Variants in COL14A1 observed in about 807,000 individuals in gnomAD.
The protein encoded by COL14A1 is collagen type XIV alpha 1 chain, also known as collagen alpha-1(XIV) chain.
COL14A1 carries 136 observed loss-of-function variants against 230.3 expected under a neutral mutation model. The ratio of observed to expected loss-of-function variants is 0.59; its 90% CI spans 0.51 to 0.68. COL14A1 has a LOEUF of 0.68. Among genes scored for constraint, COL14A1 ranks in the 30% least tolerant of loss-of-function variants. The pLI is 0.00. For synonymous variants in COL14A1, 792 were observed against 784.1 expected (o/e 1.01, Z -0.17); for missense variants, 1,976 against 2,215.8 (o/e 0.89, Z 2.17).
chr8:120,262,374 G>A (rs901733551), intron 23 of COL14A1, among the ~76,000 whole-genome samples: 30 of 152,164 alleles, frequency 2.0e-4, no homozygotes, highest in African/African-American at 7.0e-4. Context: ...TCAGGAGGCT[G>A]AGGCAGGCGC....
At chr8:120,186,456 A>G (rs1407698538) in intron 5 of COL14A1, among the ~76,000 whole-genome samples, 1 of 152,238 alleles carries the variant, frequency 6.6e-6, no homozygotes, top group African/African-American at 2.4e-5. Flanking sequence ...ATAGAACAAA[A>G]TAATTCAAAG....
intron 44 of COL14A1, among the ~76,000 whole-genome samples, chr8:120,343,337 C>T (rs1272979404): frequency 6.6e-6 from 1 of 152,204 alleles, no homozygotes; most frequent in Non-Finnish European, 1.5e-5. Context: ...ATAGCACCCC[C>T]ACTTCCAGGG....
intron 5 of COL14A1, among the ~76,000 whole-genome samples, chr8:120,176,679 G>A (rs1003562320): frequency 1.3e-5 from 2 of 152,082 alleles, no homozygotes; most frequent in African/African-American, 4.8e-5. Flanking sequence ...GCAAGAGCCT[G>A]ACTCCACTCC....
intron 1 of COL14A1, among the ~76,000 whole-genome samples, chr8:120,132,616 A>G (rs546185686): frequency 8.6e-5 from 13 of 151,010 alleles, no homozygotes; most frequent in African/African-American, 3.2e-4. Flanking sequence ...TGATAGCAAT[A>G]ACATTGAACC....
chr8:120,234,830 A>AAG (rs1314996194), intron 19 of COL14A1, among the ~76,000 whole-genome samples: 1 of 152,200 alleles, frequency 6.6e-6, no homozygotes, highest in African/African-American at 2.4e-5. Context: ...GACCTAATAA[A>AAG]AAGACTTAAG....
In COL14A1 at chr8:120,318,939, G is replaced by A. The variant is rs554323943; in HGVS notation, c.4659+2942G>A. 9.9e-5 allele frequency among the ~76,000 whole-genome samples: 15 copies of A among 152,242 alleles called. No individual in the cohort carries two copies. The South Asian group carries it at 2.9e-3, about 29-fold the overall frequency. On this transcript the variant is annotated intron_variant, in intron 40 of 47. Transcript: ENST00000297848. ...AGCACTGAAGTCACTTAACGTTACT[G>A]TGCCTTTATTTCCCCTGTCCTGTGT...
At chr8:120,349,367 C>T (rs1286245129) in intron 45 of COL14A1, among the ~76,000 whole-genome samples, 1 of 150,828 alleles carries the variant, frequency 6.6e-6, no homozygotes, top group Non-Finnish European at 1.5e-5. Context: ...TCACCAGCAA[C>T]AGAACAAAGC....
chr8:120,280,836 C>T, intron 30 of COL14A1, 85 bp from the exon 31 acceptor site: 1 of 1,496,462 alleles, frequency 6.7e-7, no homozygotes, highest in Non-Finnish European at 9.0e-7. Context: ...TTTTTAAATC[C>T]TTAATAGAAA....
chr8:120,136,355 T>C (rs1351484010), intron 1 of COL14A1, among the ~76,000 whole-genome samples: 1 of 139,090 alleles, frequency 7.2e-6, no homozygotes, highest in African/African-American at 2.8e-5. Flanking sequence ...TGTCCTTCTA[T>C]TTAGATTACA....
intron 40 of COL14A1, among the ~76,000 whole-genome samples, chr8:120,316,732 A>T (rs937559264): frequency 6.6e-6 from 1 of 152,056 alleles, no homozygotes; most frequent in South Asian, 2.1e-4. Context: ...TGACTGAAAG[A>T]TAGAAGTCAG....
At chr8:120,361,794 G>A (rs1020418293) in intron 45 of COL14A1, among the ~76,000 whole-genome samples, 2 of 152,184 alleles carry the variant, frequency 1.3e-5, no homozygotes, top group Non-Finnish European at 2.9e-5. Context: ...CTCCAGGCTG[G>A]AGTGCGTGGT....
Position 120,250,699 on chromosome 8 carries a change from C to T in COL14A1, c.2685C>T (p.Tyr895=). 2 of 1,614,214 alleles carry T rather than the reference C, an allele frequency of 1.2e-6. No individual in the cohort carries two copies. Among genetic ancestry groups the T allele is most frequent in the South Asian group, 2.2e-5 (2 of 91,082 alleles). Reference sequence around the variant, plus strand: ...CAAACCTCCTCAGCGGAATGGACTACAATGTGAAGATATTTGCCTCCCAGG... The same window carrying T: ...CAAACCTCCTCAGCGGAATGGACTATAATGTGAAGATATTTGCCTCCCAGG... ...LITNLLSGMD[Y]NVKIFASQAS... Residue 895 remains tyrosine (Y), a synonymous_variant, in exon 22 of 48, where the codon TAC becomes TAT. Coordinates refer to ENST00000297848, the MANE Select transcript of COL14A1 (RefSeq NM_021110.4).
chr8:120,125,366 T>G (rs1238772924), intron 1 of COL14A1, 26 bp downstream of exon 1: 5 of 152,368 alleles, frequency 3.3e-5, no homozygotes, highest in African/African-American at 1.2e-4. Context: ...TCTGCTCTTC[T>G]TTGGCTCGGC....
At chr8:120,131,010 G>A (rs750187266) in intron 1 of COL14A1, among the ~76,000 whole-genome samples, 22 of 152,186 alleles carry the variant, frequency 1.4e-4, no homozygotes, top group Admixed American at 2.6e-4. Flanking sequence ...TAGGATAATG[G>A]CCTCCAGCTG....
intron 40 of COL14A1, 67 bp from the exon 41 acceptor site, chr8:120,332,074 A>C: frequency 7.2e-7 from 1 of 1,384,908 alleles, no homozygotes. Context: ...AAAAGGAACT[A>C]AATGAGCCCA....
chr8:120,197,010 A>G (rs1817060025), intron 6 of COL14A1, 64 bp downstream of exon 6: 3 of 1,512,568 alleles, frequency 2.0e-6, no homozygotes, highest in Non-Finnish European at 9.0e-7. Context: ...GAAGTATTTT[A>G]AGAAATTTCA....
At chr8:120,284,455 C>A (rs1448694680) in intron 32 of COL14A1, among the ~76,000 whole-genome samples, 1 of 152,136 alleles carries the variant, frequency 6.6e-6, no homozygotes. Context: ...AGCAGATCAA[C>A]TTTTTGGTTA....
intron 35 of COL14A1, among the ~76,000 whole-genome samples, chr8:120,300,466 C>G (rs900938854): frequency 6.6e-6 from 1 of 151,790 alleles, no homozygotes; most frequent in African/African-American, 2.4e-5. Context: ...TTTTGTTGCA[C>G]TCACTTCTGA....
At chr8:120,235,681 G>A (rs184756367) in intron 19 of COL14A1, among the ~76,000 whole-genome samples, 1 of 151,996 alleles carries the variant, frequency 6.6e-6, no homozygotes, top group Admixed American at 6.6e-5. Flanking sequence ...TTTGCTCTTG[G>A]TTCTCTAGTT....
Sources: gnomAD v4.1 joint callset for allele counts (sites outside exome capture counted in the v4.1 genomes callset) on GRCh38, gnomAD v4.1.1 for gene constraint, MANE v1.5 for transcripts, NCBI Gene and HGNC (gene_info 2026-07-23, HGNC 2026-07-21) for gene names.